Variants in WDR72 observed in about 807,000 individuals in gnomAD.
WDR72 encodes the protein WD repeat-containing protein 72.
In WDR72, 120 loss-of-function variants were observed where a neutral mutation model predicts 124.2. The ratio of observed to expected loss-of-function variants is 0.97; its 90% CI spans 0.83 to 1.12. The LOEUF is 1.12. WDR72 is among the 50% of genes most tolerant of loss of function. The probability of loss-of-function intolerance (pLI) is 0.00; values close to 1 mark genes in which losing one functional copy is unlikely to be tolerated. For missense variants in WDR72, 1,387 were observed against 1,278.8 expected, an observed-to-expected ratio of 1.08 and a Z score of -1.29; for synonymous variants, 452 against 441.7, an observed-to-expected ratio of 1.02 and a Z score of -0.29.
chr15:53,534,494 T>C lies in WDR72; in HGVS notation c.3149-11172A>G, dbSNP rs147041652. On this transcript the variant is annotated intron_variant, in intron 18 of 19. Coordinates refer to ENST00000360509, the MANE Select transcript of WDR72 (RefSeq NM_182758.4). ...ATAAACTTAAATTTACCCTAGGGAT[T>C]TTATTTCTTTGAACTCAATGTACAA... Among the ~76,000 whole-genome samples, 56 of 152,268 alleles carry C rather than the reference T, an allele frequency of 3.7e-4. No individual in the cohort carries two copies. In the East Asian group the frequency reaches 0.01, roughly 28 times the overall value.
At position 53,716,692 on chromosome 15, in the gene WDR72, G is replaced by C. The variant is rs1475078446; in HGVS notation, c.261-7C>G. 1.9e-6 allele frequency: 3 copies of C among 1,593,752 alleles called. No homozygotes were observed. The Admixed American group carries it at 5.0e-5, about 27-fold the overall frequency. Reference sequence around the variant, plus strand: ...ATTCCAAACACACATCTCCCTAGCAGAAGATAACTTTGTGTTATTCTCTGT... The same window carrying C: ...ATTCCAAACACACATCTCCCTAGCACAAGATAACTTTGTGTTATTCTCTGT... On this transcript the variant is annotated splice_region_variant and splice_polypyrimidine_tract_variant and intron_variant, in intron 3 of 19. Transcript: ENST00000360509.
intron 13 of WDR72, among the ~76,000 whole-genome samples, chr15:53,679,830 T>A (rs72747362): frequency 6.6e-6 from 1 of 152,206 alleles, no homozygotes; most frequent in Non-Finnish European, 1.5e-5. Context: ...GAATTTAGAA[T>A]TCATGATTTT....
In WDR72 at chr15:53,726,787, C is replaced by G. The variant is rs185492945; in HGVS notation, c.154-3879G>C. 2.4e-3 allele frequency among the ~76,000 whole-genome samples: 371 copies of G among 152,168 alleles called. 3 individuals are homozygous for G. Among genetic ancestry groups the G allele is most frequent in the African/African-American group, 8.6e-3 (357 of 41,520 alleles). ...TGAGCTCTAACAGTCAAGGCTGCAG[C>G]AAGCTGAGCTCATGCCACTGCACTC... On this transcript the variant is annotated intron_variant, in intron 2 of 19. Coordinates refer to ENST00000360509, the MANE Select transcript of WDR72 (RefSeq NM_182758.4).
chr15:53,733,566 C>A (rs2018266192), intron 1 of WDR72, among the ~76,000 whole-genome samples: 1 of 152,132 alleles, frequency 6.6e-6, no homozygotes, highest in Non-Finnish European at 1.5e-5. Flanking sequence ...AATGTTACCT[C>A]ATCTAGGTAA....
At chr15:53,596,115 G>T (rs947805980) in intron 18 of WDR72, among the ~76,000 whole-genome samples, 9 of 151,970 alleles carry the variant, frequency 5.9e-5, no homozygotes, top group Admixed American at 1.3e-4. Flanking sequence ...TAGTAACATT[G>T]CTCCTAGTCC....
chr15:53,731,064 C>T (rs2018187575), intron 2 of WDR72, among the ~76,000 whole-genome samples: 1 of 152,128 alleles, frequency 6.6e-6, no homozygotes, highest in African/African-American at 2.4e-5. Flanking sequence ...TCATACGAAT[C>T]AATAACTTCT....
chr15:53,622,987 T>G (rs4774669), intron 14 of WDR72, among the ~76,000 whole-genome samples: 7 of 152,094 alleles, frequency 4.6e-5, no homozygotes, highest in Non-Finnish European at 7.4e-5. Context: ...AGAACTCACA[T>G]AAATTAATTT....
intron 14 of WDR72, among the ~76,000 whole-genome samples, chr15:53,639,555 T>TATAAAATTATATATTTTATTTATTC: frequency 6.8e-6 from 1 of 146,524 alleles, no homozygotes; most frequent in Admixed American, 6.8e-5. Context: ...TTTATTTATT[T>TATAAAATTATATATTTTATTTATTC]ATAAAATTAT....
chr15:53,594,409 T>C (rs925452764), intron 18 of WDR72, among the ~76,000 whole-genome samples: 5 of 151,982 alleles, frequency 3.3e-5, no homozygotes, highest in Non-Finnish European at 7.4e-5. Flanking sequence ...TAAGAATATT[T>C]TGCAAAATGA....
rs183277977 is a variant in WDR72 at position 53,666,190 on chromosome 15, C to T, written c.1766-422G>A. Among the ~76,000 whole-genome samples the T allele has an allele frequency of 4.0e-4, 61 of 152,260 alleles. No individual in the cohort carries two copies. In the East Asian group the frequency reaches 0.011, roughly 28 times the overall value. On this transcript the variant is annotated intron_variant, in intron 13 of 19. Transcript: ENST00000360509. The stretch of plus-strand genomic sequence containing the variant: ...AGGCTTGAAATGTTTCTATTGGTAA[C>T]ACATAATTTAAATGAATGGAGCAAG...
At chr15:53,685,394 T>C (rs1291819537) in intron 13 of WDR72, among the ~76,000 whole-genome samples, 4 of 127,856 alleles carry the variant, frequency 3.1e-5, no homozygotes, top group Admixed American at 1.7e-4. Flanking sequence ...AAACCAAGGC[T>C]CGAGAACTAC....
At chr15:53,686,810 A>G (rs1595849944) in intron 13 of WDR72, among the ~76,000 whole-genome samples, 1 of 151,134 alleles carries the variant, frequency 6.6e-6, no homozygotes, top group South Asian at 2.1e-4. Context: ...CATACTTGGA[A>G]GTAAAGCTCT....
intron 1 of WDR72, among the ~76,000 whole-genome samples, chr15:53,736,724 A>T (rs2018365787): frequency 1.3e-5 from 2 of 152,138 alleles, no homozygotes; most frequent in Non-Finnish European, 2.9e-5. Context: ...CAGGATTTTC[A>T]CATATTAGGC....
At chr15:53,726,886 G>T (rs1595876968) in intron 2 of WDR72, among the ~76,000 whole-genome samples, 2 of 149,528 alleles carry the variant, frequency 1.3e-5, no homozygotes, top group South Asian at 2.1e-4. Context: ...GACACTAAGG[G>T]CTAATTCCCC....
At chr15:53,677,762 A>C (rs1002247644) in intron 13 of WDR72, among the ~76,000 whole-genome samples, 1 of 152,206 alleles carries the variant, frequency 6.6e-6, no homozygotes, top group African/African-American at 2.4e-5. Context: ...CAGGTGTGAG[A>C]ACAGACTAAT....
chr15:53,603,141 G>C (rs1018467245), intron 17 of WDR72, among the ~76,000 whole-genome samples: 7 of 152,130 alleles, frequency 4.6e-5, no homozygotes, highest in Non-Finnish European at 7.4e-5. Context: ...TACCCACCAT[G>C]ATCGAGTATG....
At chr15:53,705,683 G>A (rs1282284901) in intron 10 of WDR72, among the ~76,000 whole-genome samples, 1 of 152,050 alleles carries the variant, frequency 6.6e-6, no homozygotes, top group Non-Finnish European at 1.5e-5. Context: ...GGCTGGTCTC[G>A]AAGTCCTTTG....
chr15:53,712,616 A>G (rs1221506250), intron 7 of WDR72, among the ~76,000 whole-genome samples, 156 bp downstream of exon 7: 1 of 151,770 alleles, frequency 6.6e-6, no homozygotes, highest in Non-Finnish European at 1.5e-5. Context: ...AAAAAAAAAA[A>G]CTGTTACGTC....
chr15:53,706,346 GTGTGTATATATATATATATA>G (rs1232976086), intron 9 of WDR72, among the ~76,000 whole-genome samples: 21 of 98,046 alleles, frequency 2.1e-4, no homozygotes, highest in African/African-American at 4.4e-4. Context: ...GTGTGTGTGT[GTGTGTATATATATATATATA>G]TATATATATA....
Sources: allele counts gnomAD v4.1 joint callset (sites outside exome capture counted in the v4.1 genomes callset), GRCh38; gene constraint gnomAD v4.1.1; transcripts MANE v1.5; gene names NCBI Gene and HGNC (gene_info 2026-07-23, HGNC 2026-07-21).